Variants in C1QTNF7 observed in about 807,000 individuals in gnomAD.
The protein encoded by C1QTNF7 is complement C1q tumor necrosis factor-related protein 7.
Under a neutral mutation model 19.6 loss-of-function variants are expected in C1QTNF7, and 15 were observed. The ratio of observed to expected loss-of-function variants is 0.76; its 90% confidence interval spans 0.51 to 1.18. The LOEUF (loss-of-function observed/expected upper bound fraction) is 1.18. C1QTNF7 is among the 50% of genes most tolerant of loss of function. The pLI is 0.00. For missense variants in C1QTNF7, 324 were observed against 359.7 expected (o/e 0.90, Z 0.80); for synonymous variants, 142 against 137.5 (o/e 1.03, Z -0.23).
At chr4:15,430,883 T>C (rs910332846) in intron 1 of C1QTNF7, among the ~76,000 whole-genome samples, 23 of 152,188 alleles carry the variant, frequency 1.5e-4, no homozygotes, top group African/African-American at 5.3e-4. Context: ...ACAAGGATTC[T>C]TTTCAGGACC....
intron 1 of C1QTNF7, among the ~76,000 whole-genome samples, chr4:15,408,345 A>G (rs1427001298): frequency 6.6e-6 from 1 of 151,824 alleles, no homozygotes; most frequent in Non-Finnish European, 1.5e-5. Flanking sequence ...ACAGATACAG[A>G]TAAGTATATA....
intron 1 of C1QTNF7, among the ~76,000 whole-genome samples, chr4:15,382,516 C>G (rs4328910): frequency 0.48 from 73,004 of 151,954 alleles, 19,163 homozygotes; most frequent in African/African-American, 0.69. Context: ...TCTTTCCTTA[C>G]CTGGAAAAAA....
At chr4:15,360,093 C>T (rs1717282437) in intron 1 of C1QTNF7, among the ~76,000 whole-genome samples, 1 of 152,152 alleles carries the variant, frequency 6.6e-6, no homozygotes, top group Admixed American at 6.5e-5. Context: ...GCAGGTGTAA[C>T]AGCACTGTTC....
intron 1 of C1QTNF7, among the ~76,000 whole-genome samples, chr4:15,360,343 T>C (rs1294282369): frequency 6.6e-6 from 1 of 152,232 alleles, no homozygotes; most frequent in East Asian, 1.9e-4. Flanking sequence ...GTTAGGTTCA[T>C]GAGAGCCCCT....
At position 15,413,199 on chromosome 4, in the gene C1QTNF7, C is replaced by T. The variant is rs544641506; in HGVS notation, c.14-22537C>T. ...GTCTCCTGCACACAACCTCCATAGC[C>T]ATCCTCTGTGTTCACATCATGTGCT... On this transcript the variant is annotated intron_variant, in intron 1 of 2. Transcript: ENST00000295297. 2.0e-5 allele frequency among the ~76,000 whole-genome samples: 3 copies of T among 152,330 alleles called. No individual in the cohort carries two copies. In the South Asian group the frequency reaches 6.2e-4, roughly 32 times the overall value.
At chr4:15,360,939 A>G (rs766974615) in intron 1 of C1QTNF7, among the ~76,000 whole-genome samples, 2 of 152,174 alleles carry the variant, frequency 1.3e-5, no homozygotes, top group Non-Finnish European at 2.9e-5. Context: ...GTAGGTTTAT[A>G]TCTAACACCT....
intron 1 of C1QTNF7, among the ~76,000 whole-genome samples, chr4:15,402,668 C>T (rs151185233): frequency 6.6e-6 from 1 of 152,194 alleles, no homozygotes; most frequent in Non-Finnish European, 1.5e-5. Flanking sequence ...TTAAAACATA[C>T]AAAGTTTTAA....
rs1254032239 is a variant in C1QTNF7, at chr4:15,348,336, A to G, written c.13+8129A>G. ...CAAAGCAGAGTGACAAGCAAAGTCC[A>G]AACTGCCTCTCCCTGGCTTGCTTTG... is the stretch of plus-strand genomic sequence containing the variant. On this transcript the variant is annotated intron_variant, in intron 1 of 2. Transcript: ENST00000295297. 4.6e-5 allele frequency among the ~76,000 whole-genome samples: 7 copies of G among 152,188 alleles called. No homozygotes were observed. The East Asian group carries it at 1.2e-3, about 25-fold the overall frequency.
intron 1 of C1QTNF7, among the ~76,000 whole-genome samples, chr4:15,421,233 G>A (rs1324614160): frequency 6.6e-6 from 1 of 151,984 alleles, no homozygotes; most frequent in Non-Finnish European, 1.5e-5. Context: ...TAAATGTAAG[G>A]TATTAGCACA....
At chr4:15,345,437 A>T (rs1432672668) in intron 1 of C1QTNF7, among the ~76,000 whole-genome samples, 3 of 152,042 alleles carry the variant, frequency 2.0e-5, no homozygotes, top group Non-Finnish European at 4.4e-5. Flanking sequence ...AGATGCACCG[A>T]CCCCCAGTCT....
chr4:15,361,459 A>G (rs1717339180), intron 1 of C1QTNF7, among the ~76,000 whole-genome samples: 1 of 152,178 alleles, frequency 6.6e-6, no homozygotes, highest in Non-Finnish European at 1.5e-5. Context: ...GCATAGACAC[A>G]TTAATCGCTT....
intron 1 of C1QTNF7, among the ~76,000 whole-genome samples, chr4:15,348,623 C>T (rs1448116412): frequency 6.6e-6 from 1 of 152,152 alleles, no homozygotes; most frequent in Non-Finnish European, 1.5e-5. Flanking sequence ...CTAAAGTGGG[C>T]AGTCACTGCA....
intron 1 of C1QTNF7, among the ~76,000 whole-genome samples, chr4:15,372,677 T>A (rs1217359641): frequency 2.6e-5 from 4 of 152,246 alleles, no homozygotes; most frequent in African/African-American, 9.6e-5. Flanking sequence ...GGGGCGCTGA[T>A]CTTGATTCAT....
intron 2 of C1QTNF7, among the ~76,000 whole-genome samples, chr4:15,438,088 C>G (rs1457757877): frequency 6.6e-6 from 1 of 152,136 alleles, no homozygotes; most frequent in Non-Finnish European, 1.5e-5. Context: ...TTGTCAGGAC[C>G]TTTACATTTC....
chr4:15,418,970 G>A (rs1197705661), intron 1 of C1QTNF7, among the ~76,000 whole-genome samples: 1 of 152,108 alleles, frequency 6.6e-6, no homozygotes, highest in East Asian at 1.9e-4. Context: ...ATACCATTGT[G>A]GAACAAGCTT....
intron 1 of C1QTNF7, among the ~76,000 whole-genome samples, chr4:15,414,743 G>C (rs1274934738): frequency 6.6e-6 from 1 of 151,730 alleles, no homozygotes; most frequent in East Asian, 1.9e-4. Context: ...AGAATCCTTT[G>C]GCAAAACATA....
intron 1 of C1QTNF7, among the ~76,000 whole-genome samples, chr4:15,376,379 G>T (rs538187770): frequency 6.6e-6 from 1 of 152,216 alleles, no homozygotes; most frequent in Non-Finnish European, 1.5e-5. Flanking sequence ...TTGTGCACTC[G>T]TGGGAGCAGC....
intron 1 of C1QTNF7, among the ~76,000 whole-genome samples, chr4:15,350,553 G>C (rs1382802160): frequency 1.3e-5 from 2 of 152,046 alleles, no homozygotes; most frequent in African/African-American, 4.8e-5. Flanking sequence ...TGGAAATCTA[G>C]TCCTTTTCTT....
intron 1 of C1QTNF7, among the ~76,000 whole-genome samples, chr4:15,410,353 T>C (rs1359850875): frequency 6.6e-6 from 1 of 152,200 alleles, no homozygotes; most frequent in Non-Finnish European, 1.5e-5. Flanking sequence ...TGGTATATTT[T>C]CTGCCAGGCT....
Sources: allele counts gnomAD v4.1 joint callset (sites outside exome capture counted in the v4.1 genomes callset), GRCh38; gene constraint gnomAD v4.1.1; transcripts MANE v1.5; gene names NCBI Gene and HGNC (gene_info 2026-07-23, HGNC 2026-07-21).